The following VPS33A variants were observed in gnomAD, a reference collection of about 807,000 sequenced individuals.
VPS33A encodes the protein VPS33A core subunit of CORVET and HOPS complexes.
Under a neutral mutation model 71.8 loss-of-function variants are expected in VPS33A, and 32 were observed. The ratio of observed to expected loss-of-function variants is 0.45; its 90% CI spans 0.34 to 0.60. The LOEUF (loss-of-function observed/expected upper bound fraction) is 0.60, where lower values mean the gene tolerates loss of function less well. VPS33A is among the 20% of genes least tolerant of loss of function. The probability of loss-of-function intolerance (pLI) is 0.02; values close to 1 mark genes in which losing one functional copy is unlikely to be tolerated. For missense variants in VPS33A, 625 were observed against 748.5 expected, an observed-to-expected ratio of 0.84 and a Z score of 1.92; for synonymous variants, 311 against 292.7, an observed-to-expected ratio of 1.06 and a Z score of -0.64.
At chr12:122,239,550 T>C (rs138932822) in intron 9 of VPS33A, among the ~76,000 whole-genome samples, 1,751 of 152,038 alleles carry the variant, frequency 0.012, 34 homozygotes, top group African/African-American at 0.036. Context: ...CTGGCTAACA[T>C]GGTGAAACCC....
intron 11 of VPS33A, among the ~76,000 whole-genome samples, chr12:122,234,065 C>T (rs1224103460): frequency 6.6e-6 from 1 of 152,124 alleles, no homozygotes; most frequent in Non-Finnish European, 1.5e-5. Flanking sequence ...AATTTAGAAA[C>T]ATTAGAATAA....
intron 4 of VPS33A, among the ~76,000 whole-genome samples, chr12:122,259,734 T>C (rs1483699553): frequency 6.6e-6 from 1 of 151,902 alleles, no homozygotes; most frequent in Non-Finnish European, 1.5e-5. Flanking sequence ...CTCAAAACAT[T>C]ACACTAAGTG....
chr12:122,242,532 C>A (rs370945123), intron 7 of VPS33A, 24 bp from the exon 8 acceptor site: 12 of 1,588,750 alleles, frequency 7.6e-6, no homozygotes, highest in Non-Finnish European at 1.0e-5. Context: ...GAGAGCAGTG[C>A]CTCAAGCAGG....
At position 122,266,056 on chromosome 12, in the gene VPS33A, C is replaced by A. The variant is rs1384681184; in HGVS notation, c.102+251G>T. Among the ~76,000 whole-genome samples the A allele has an allele frequency of 2.0e-5, 3 of 152,202 alleles. No homozygotes were observed. In the East Asian group the frequency reaches 5.8e-4, roughly 29 times the overall value. ...TGACGTAAACCAGCTCATCAGCTGC[C>A]GGGCTATCACAGTGGCTTACTCTGC... On this transcript the variant is annotated intron_variant, in intron 1 of 12. Transcript: ENST00000267199.
Position 122,244,725 on chromosome 12 carries a change from C to G in VPS33A, c.813G>C (p.Lys271Asn). The change falls in exon 7 of 13, where the codon AAG (lysine) becomes AAC (asparagine). Residue 271 changes from lysine to asparagine, a missense_variant. Physicochemically the swap from Lys to Asn is moderately conservative, Grantham distance 94 (BLOSUM62 0). Transcript: ENST00000267199. The part of the protein sequence containing the change: ...VKLPPEKFAP[K>N]KQGDGGKDLP... ...GGTCCTTACCACCATCGCCCTGTTT[C>G]TTAGGTGCAAATTTCTCTGGAGGTA... is the stretch of plus-strand genomic sequence containing the variant. 6.2e-7 allele frequency: 1 copy of G among 1,613,930 alleles called. No individual in the cohort carries two copies. The highest frequency in any genetic ancestry group is 8.5e-7 in the Non-Finnish European group (1 of 1,179,888).
intron 9 of VPS33A, among the ~76,000 whole-genome samples, 174 bp downstream of exon 9, chr12:122,239,704 C>T (rs1474894609): frequency 7.2e-6 from 1 of 138,402 alleles, no homozygotes; most frequent in Non-Finnish European, 1.5e-5. Context: ...GCACTCCAGC[C>T]TGGGCAACAG....
chr12:122,232,893 G>A lies in VPS33A; in HGVS notation c.1516C>T (p.Pro506Ser). ...ACCTCCTCGATGCTCCGCCAGCCAG[G>A]CCGGGAAAGCAGCTGGGCCAGCCGC... ...SVRLAQLLSR[P>S]GWRSIEEVLR... is the part of the protein sequence containing the mutation. Residue 506 changes from proline to serine, a missense_variant, in exon 12 of 13, where the codon CCT becomes TCT. Transcript: ENST00000267199. 6.2e-7 allele frequency: 1 copy of A among 1,614,080 alleles called. No individual in the cohort carries two copies. The highest frequency in any genetic ancestry group is 8.5e-7 in the Non-Finnish European group (1 of 1,180,014).
intron 9 of VPS33A, 60 bp downstream of exon 9, chr12:122,239,818 A>G: frequency 8.9e-7 from 1 of 1,128,310 alleles, no homozygotes; most frequent in African/African-American, 1.6e-5. Context: ...TTTTCTGGCT[A>G]TAATCTGAGG....
chr12:122,263,782 C>T, intron 2 of VPS33A, 83 bp from the exon 3 acceptor site: 1 of 1,413,894 alleles, frequency 7.1e-7, no homozygotes, highest in East Asian at 2.3e-5. Context: ...TAAATACCCC[C>T]AATCAAGTGC....
intron 9 of VPS33A, 82 bp from the exon 10 acceptor site, chr12:122,238,806 C>CACAA (rs1246278267): frequency 8.3e-6 from 9 of 1,084,750 alleles, no homozygotes; most frequent in African/African-American, 6.8e-5. Context: ...CACACACACA[C>CACAA]AATACATGGT....
At chr12:122,239,823 C>G in intron 9 of VPS33A, 55 bp downstream of exon 9, 2 of 986,232 alleles carry the variant, frequency 2.0e-6, no homozygotes, top group South Asian at 1.4e-5. Context: ...TGGCTATAAT[C>G]TGAGGTTTAA....
chr12:122,252,126 C>G (rs1338021914), intron 4 of VPS33A, among the ~76,000 whole-genome samples: 1 of 147,018 alleles, frequency 6.8e-6, no homozygotes, highest in African/African-American at 2.7e-5. Context: ...GGGATAGTAG[C>G]ATGCATCTGT....
At chr12:122,243,879 C>T (rs148665701) in intron 7 of VPS33A, among the ~76,000 whole-genome samples, 139 of 152,130 alleles carry the variant, frequency 9.1e-4, no homozygotes, top group African/African-American at 3.2e-3. Flanking sequence ...ATGATTGTAC[C>T]ACTACACCCA....
chr12:122,263,704 G>A lies in VPS33A; in HGVS notation c.169-5C>T. ...CATTTTTTCCACTTCATGTTCCTAG[G>A]CAAACACATACACAAAAGGTTAACA... On this transcript the variant is annotated splice_region_variant and splice_polypyrimidine_tract_variant and intron_variant, in intron 2 of 12. Transcript: ENST00000267199. 9 of 1,600,336 alleles carry A rather than the reference G, an allele frequency of 5.6e-6. No individual in the cohort carries two copies. Among genetic ancestry groups the A allele is most frequent in the Non-Finnish European group, 7.7e-6 (9 of 1,171,010 alleles).
At chr12:122,262,712 A>T (rs1955012809) in intron 3 of VPS33A, among the ~76,000 whole-genome samples, 1 of 151,592 alleles carries the variant, frequency 6.6e-6, no homozygotes, top group African/African-American at 2.4e-5. Flanking sequence ...CACAGGTTTA[A>T]GCTTTTGGCT....
intron 6 of VPS33A, among the ~76,000 whole-genome samples, chr12:122,246,106 A>C (rs1954772544): frequency 6.6e-6 from 1 of 152,140 alleles, no homozygotes; most frequent in Admixed American, 6.6e-5. Context: ...GTAACTCTGC[A>C]GTAAAGCAAT....
At chr12:122,254,664 G>A (rs1210955177) in intron 4 of VPS33A, among the ~76,000 whole-genome samples, 1 of 152,072 alleles carries the variant, frequency 6.6e-6, no homozygotes, top group Non-Finnish European at 1.5e-5. Flanking sequence ...GCCCACCTCA[G>A]CCTCCCAAAG....
chr12:122,232,988 C>A lies in VPS33A; in HGVS notation c.1441-20G>T. On this transcript the variant is annotated intron_variant, in intron 11 of 12. Transcript: ENST00000267199. Reference sequence around the variant, plus strand: ...GGGGTTCTGTGAGATAATTAAAGAACAAAAACCCTATAGATACAGAGACTT... The same window carrying A: ...GGGGTTCTGTGAGATAATTAAAGAAAAAAAACCCTATAGATACAGAGACTT... The A allele has an allele frequency of 6.4e-7, 1 of 1,573,366 alleles. No individual in the cohort carries two copies. The highest frequency in any genetic ancestry group is 8.6e-7 in the Non-Finnish European group (1 of 1,156,646).
intron 2 of VPS33A, 83 bp downstream of exon 2, chr12:122,264,051 T>C (rs1955034320): frequency 8.1e-7 from 1 of 1,236,900 alleles, no homozygotes; most frequent in African/African-American, 1.5e-5. Context: ...AACCAATGAT[T>C]CAGGAAGAAA....
Sources: gnomAD v4.1 joint callset for allele counts (sites outside exome capture counted in the v4.1 genomes callset) on GRCh38, gnomAD v4.1.1 for gene constraint, MANE v1.5 for transcripts, NCBI Gene and HGNC (gene_info 2026-07-23, HGNC 2026-07-21) for gene names.